The following CBFB variants were observed in gnomAD, a reference collection of about 807,000 sequenced individuals.
The protein encoded by CBFB is core-binding factor subunit beta.
CBFB carries 9 observed loss-of-function variants against 30.4 expected under a neutral mutation model. The ratio of observed to expected loss-of-function variants is 0.30; its 90% CI spans 0.18 to 0.52. The LOEUF is 0.52. CBFB is among the 20% of genes least tolerant of loss of function. CBFB has a pLI of 0.97. For synonymous variants in CBFB, 94 were observed against 84.0 expected (o/e 1.12, Z -0.65); for missense variants, 170 against 244.0 (o/e 0.70, Z 2.02).
At chr16:67,045,554 C>T (rs1436237704) in intron 3 of CBFB, among the ~76,000 whole-genome samples, 1 of 151,994 alleles carries the variant, frequency 6.6e-6, no homozygotes, top group Non-Finnish European at 1.5e-5. Context: ...ATTAGTATGT[C>T]ATAGTACCTT....
chr16:67,083,860 A>T (rs1467693805), intron 5 of CBFB, among the ~76,000 whole-genome samples: 1 of 152,180 alleles, frequency 6.6e-6, no homozygotes, highest in African/African-American at 2.4e-5. Context: ...TCAGAAATAC[A>T]GATTTTCTTT....
intron 5 of CBFB, among the ~76,000 whole-genome samples, chr16:67,094,572 C>CT: frequency 1.3e-5 from 2 of 152,222 alleles, no homozygotes; most frequent in Non-Finnish European, 2.9e-5. Flanking sequence ...CTGAAATACT[C>CT]TTTTCACAAA....
At chr16:67,031,218 C>T (rs924149487) in intron 2 of CBFB, among the ~76,000 whole-genome samples, 2 of 152,142 alleles carry the variant, frequency 1.3e-5, no homozygotes, top group Admixed American at 6.5e-5. Flanking sequence ...ATCAGGAGCT[C>T]CTGAATATTT....
intron 3 of CBFB, among the ~76,000 whole-genome samples, chr16:67,063,598 C>A (rs1368580120): frequency 6.6e-6 from 1 of 152,016 alleles, no homozygotes; most frequent in African/African-American, 2.4e-5. Context: ...CACACACCCA[C>A]GCCCAGTTAA....
intron 4 of CBFB, 98 bp downstream of exon 4, chr16:67,066,896 A>G (rs1423743097): frequency 1.5e-5 from 10 of 665,578 alleles, no homozygotes; most frequent in Non-Finnish European, 2.7e-5. Context: ...GAGTAAGTAT[A>G]GAAAGTATTG....
Position 67,036,661 on chromosome 16 carries a change from A to G in CBFB, c.188A>G (p.Asn63Ser), listed in dbSNP as rs771119364. ...AAGGCTTTTGTGGCCACAGGAACCA[A>G]TCTGTCTCTCCAGTTTTTTCCGGCC... is the stretch of plus-strand genomic sequence containing the variant. ...SEIAFVATGT[N>S]LSLQFFPASW... Residue 63 changes from asparagine to serine, a missense_variant, in exon 3 of 6, where the codon AAT becomes AGT. Physicochemically the swap from Asn to Ser is conservative, Grantham distance 46. Transcript: ENST00000412916. 3.1e-6 allele frequency: 5 copies of G among 1,613,308 alleles called. No homozygotes were observed. The highest frequency in any genetic ancestry group is 3.4e-6 in the Non-Finnish European group (4 of 1,179,228).
chr16:67,031,621 C>T (rs1276687368), intron 2 of CBFB, among the ~76,000 whole-genome samples: 2 of 152,204 alleles, frequency 1.3e-5, no homozygotes, highest in African/African-American at 2.4e-5. Context: ...AGCGATTCTC[C>T]TGCCTCAGCC....
intron 3 of CBFB, 103 bp from the exon 4 acceptor site, chr16:67,066,579 A>AT: frequency 1.7e-6 from 1 of 595,516 alleles, no homozygotes; most frequent in South Asian, 1.8e-5. Context: ...GTCAATCATA[A>AT]TTTTATTCAT....
At chr16:67,045,253 T>C (rs1432300113) in intron 3 of CBFB, among the ~76,000 whole-genome samples, 1 of 152,166 alleles carries the variant, frequency 6.6e-6, no homozygotes. Flanking sequence ...GGGTGGTTCA[T>C]GCCTGTAATC....
intron 5 of CBFB, among the ~76,000 whole-genome samples, chr16:67,088,080 G>A (rs1321943043): frequency 6.6e-6 from 1 of 152,110 alleles, no homozygotes; most frequent in Non-Finnish European, 1.5e-5. Context: ...AGATCCTGTA[G>A]TCCCTTATGG....
At chr16:67,054,280 G>A (rs1960649305) in intron 3 of CBFB, among the ~76,000 whole-genome samples, 1 of 151,974 alleles carries the variant, frequency 6.6e-6, no homozygotes, top group Admixed American at 6.6e-5. Context: ...TAGAGTTTGA[G>A]GTTAGAGATT....
intron 5 of CBFB, among the ~76,000 whole-genome samples, chr16:67,088,714 A>C (rs1363941963): frequency 3.3e-5 from 5 of 152,204 alleles, no homozygotes; most frequent in African/African-American, 1.2e-4. Context: ...GTGGTAACTC[A>C]TGGGTGGCAG....
At chr16:67,076,364 A>G (rs1353512748) in intron 4 of CBFB, among the ~76,000 whole-genome samples, 2 of 152,182 alleles carry the variant, frequency 1.3e-5, no homozygotes, top group Non-Finnish European at 2.9e-5. Flanking sequence ...ATTGCACTTC[A>G]GCCTGGGCAA....
intron 3 of CBFB, among the ~76,000 whole-genome samples, chr16:67,053,378 C>G (rs547723821): frequency 6.6e-6 from 1 of 151,110 alleles, no homozygotes; most frequent in Non-Finnish European, 1.5e-5. Context: ...CTCAGCCTCC[C>G]GAGTAGCTGG....
At chr16:67,053,237 T>C (rs1308587375) in intron 3 of CBFB, among the ~76,000 whole-genome samples, 1 of 150,342 alleles carries the variant, frequency 6.7e-6, no homozygotes, top group Non-Finnish European at 1.5e-5. Flanking sequence ...GACTCTAATG[T>C]CACTTTCTCT....
intron 3 of CBFB, among the ~76,000 whole-genome samples, chr16:67,057,983 G>C (rs990634221): frequency 1.3e-5 from 2 of 152,098 alleles, no homozygotes; most frequent in African/African-American, 4.8e-5. Flanking sequence ...TGTTTTATGT[G>C]AACTGTAGAC....
chr16:67,095,888 C>T (rs1433048292), intron 5 of CBFB, among the ~76,000 whole-genome samples: 3 of 151,644 alleles, frequency 2.0e-5, no homozygotes, highest in Non-Finnish European at 2.9e-5. Flanking sequence ...GATGGGGTTT[C>T]GCCATGTTGG....
chr16:67,037,835 A>AT (rs1361594913), intron 3 of CBFB, among the ~76,000 whole-genome samples: 2 of 151,408 alleles, frequency 1.3e-5, no homozygotes, highest in Admixed American at 1.3e-4. Flanking sequence ...CGCCTGGCTA[A>AT]TTTTTTTGTA....
At position 67,100,435 on chromosome 16, in the gene CBFB, T is replaced by C. The variant is rs962916043; in HGVS notation, c.*1657T>C. 7.1e-5 allele frequency: 16 copies of C among 225,572 alleles called. No homozygotes were observed. Among genetic ancestry groups the C allele is most frequent in the Admixed American group, 1.7e-4 (3 of 17,540 alleles). 14.0% of individuals were successfully genotyped at this position (225,572 alleles called of 1,614,324 possible). ...GTGTTTAAATTGTTACAAACAATAA[T>C]GCGTCATTAAAGGCCATGCTGATCT... On this transcript the variant is annotated 3_prime_UTR_variant, in exon 6 of 6. Transcript: ENST00000412916.
Sources: gnomAD v4.1 joint callset for allele counts (sites outside exome capture counted in the v4.1 genomes callset) on GRCh38, gnomAD v4.1.1 for gene constraint, MANE v1.5 for transcripts, NCBI Gene and HGNC (gene_info 2026-07-23, HGNC 2026-07-21) for gene names.